Variants in UBAC2 observed in about 807,000 individuals in gnomAD.
UBAC2 encodes the protein UBA domain containing 2.
A neutral mutation model predicts 44.0 loss-of-function variants in UBAC2; 26 were observed. The observed-to-expected ratio is 0.59, with a 90% confidence interval of 0.43 to 0.82. The LOEUF is 0.82. Among genes scored for constraint, UBAC2 ranks in the 40% least tolerant of loss-of-function variants. UBAC2 has a pLI of 0.00. For synonymous variants in UBAC2, 155 were observed against 154.3 expected, an observed-to-expected ratio of 1.00 and a Z score of -0.04; for missense variants, 329 against 419.4, an observed-to-expected ratio of 0.78 and a Z score of 1.88.
intron 6 of UBAC2, among the ~76,000 whole-genome samples, chr13:99,331,787 T>G (rs188370914): frequency 6.6e-6 from 1 of 152,392 alleles, no homozygotes; most frequent in Non-Finnish European, 1.5e-5. Context: ...TTATGCTTTC[T>G]CTAACATTTT....
At position 99,295,296 on chromosome 13, in the gene UBAC2, G is replaced by A. The variant is rs62637588; in HGVS notation, c.390-18801G>A. 5.4e-4 allele frequency: 864 copies of A among 1,614,140 alleles called. 3 individuals are homozygous for A. In the African/African-American group the frequency reaches 0.01, roughly 19 times the overall value. ...AAGTGCAGAGAAATCTGGAACGAAT[G>A]TCTTTGGCTACATTCCAGGAAATTA... On this transcript the variant is annotated intron_variant, in intron 4 of 8. Transcript: ENST00000403766. The surrounding 1 kb of genome is among the most constrained non-coding windows in gnomAD (Gnocchi z 4.1).
At chr13:99,278,523 A>G (rs1335194353) in intron 4 of UBAC2, among the ~76,000 whole-genome samples, 1 of 152,216 alleles carries the variant, frequency 6.6e-6, no homozygotes, top group Non-Finnish European at 1.5e-5. Context: ...TCTGCTTTGA[A>G]TTTGGGCTAA....
intron 4 of UBAC2, among the ~76,000 whole-genome samples, chr13:99,297,685 A>G (rs561418566): frequency 5.9e-5 from 9 of 152,250 alleles, no homozygotes; most frequent in African/African-American, 2.2e-4. Flanking sequence ...CAGAAAAGAG[A>G]CAATGGGAAA....
chr13:99,254,830 T>TTA, intron 4 of UBAC2: 1 of 1,443,542 alleles, frequency 6.9e-7, no homozygotes, highest in Non-Finnish European at 9.6e-7. Context: ...GCCAGAGTAG[T>TTA]TAGTGAAGTG....
chr13:99,323,511 GACC>G (rs1257931561), intron 6 of UBAC2, among the ~76,000 whole-genome samples: 2 of 152,186 alleles, frequency 1.3e-5, no homozygotes, highest in African/African-American at 4.8e-5. Context: ...CTTGTGAAAG[GACC>G]ACATGTAGAA....
chr13:99,358,913 G>T (rs943356520), intron 7 of UBAC2, among the ~76,000 whole-genome samples: 1 of 152,222 alleles, frequency 6.6e-6, no homozygotes, highest in African/African-American at 2.4e-5. Flanking sequence ...TCAGGAGACA[G>T]TGGGTTACAT....
chr13:99,240,655 A>G (rs1594035230), intron 2 of UBAC2, among the ~76,000 whole-genome samples: 1 of 152,152 alleles, frequency 6.6e-6, no homozygotes, highest in South Asian at 2.1e-4. Flanking sequence ...CATTGATCAT[A>G]TTGATGGAGG....
At chr13:99,242,642 C>T (rs1420443913) in intron 2 of UBAC2, among the ~76,000 whole-genome samples, 1 of 126,706 alleles carries the variant, frequency 7.9e-6, no homozygotes, top group Non-Finnish European at 1.7e-5. Context: ...GCTGACCCCC[C>T]CACCTCCCTC....
chr13:99,356,077 TGAAAA>T, intron 7 of UBAC2: 1 of 499,148 alleles, frequency 2.0e-6, no homozygotes, highest in South Asian at 1.4e-5. Flanking sequence ...GTCAGGCCTC[TGAAAA>T]GAAATGTCAT....
Position 99,213,430 on chromosome 13 carries a change from G to A in UBAC2, c.31+12491G>A, listed in dbSNP as rs577263491. On this transcript the variant is annotated intron_variant, in intron 1 of 8. Coordinates refer to ENST00000403766, the MANE Select transcript of UBAC2 (RefSeq NM_001144072.2). ...GCCTGGAGTGCAATGGTGTGATCTC[G>A]GCTTACTGCAACTGCTGCCTCCCGG... Among the ~76,000 whole-genome samples, 11 of 151,662 alleles carry A rather than the reference G, an allele frequency of 7.3e-5. No individual in the cohort carries two copies. The South Asian group carries it at 1.5e-3, about 20-fold the overall frequency.
chr13:99,319,815 G>T, intron 6 of UBAC2, among the ~76,000 whole-genome samples: 1 of 152,218 alleles, frequency 6.6e-6, no homozygotes. Context: ...GGCTCACCCA[G>T]TTAGAACTGT....
chr13:99,275,681 G>A (rs2043872107), intron 4 of UBAC2, among the ~76,000 whole-genome samples: 2 of 152,026 alleles, frequency 1.3e-5, no homozygotes. Context: ...CACAGTTTAT[G>A]TTTCTTCTGA....
At chr13:99,208,588 T>C (rs1042151150) in intron 1 of UBAC2, among the ~76,000 whole-genome samples, 1 of 152,202 alleles carries the variant, frequency 6.6e-6, no homozygotes, top group African/African-American at 2.4e-5. Flanking sequence ...GATTAGACTT[T>C]CCCCCCTTTT....
intron 4 of UBAC2, among the ~76,000 whole-genome samples, chr13:99,247,794 A>G (rs915465949): frequency 6.6e-6 from 1 of 151,926 alleles, no homozygotes; most frequent in Admixed American, 6.6e-5. Flanking sequence ...CCTAACATCT[A>G]ATATTTTTCT....
At chr13:99,261,940 A>G (rs369239487) in intron 4 of UBAC2, among the ~76,000 whole-genome samples, 1 of 152,346 alleles carries the variant, frequency 6.6e-6, no homozygotes, top group East Asian at 1.9e-4. Context: ...CCTTCAGTCA[A>G]ATATGGTCTG....
In UBAC2 at chr13:99,385,415, C is replaced by T. The variant is rs1047144074; in HGVS notation, c.*80C>T. On this transcript the variant is annotated 3_prime_UTR_variant, in exon 9 of 9. Transcript: ENST00000403766. ...CCCACCATCAGATCAGCCCGGGGAC[C>T]GAGCATCTCTGGTGCTGATGTTCTT... 1.0e-5 allele frequency: 12 copies of T among 1,159,590 alleles called. No individual in the cohort carries two copies. The highest frequency in any genetic ancestry group is 9.1e-5 in the Admixed American group (5 of 55,224). The allele number at this position is 1,159,590 out of a possible 1,614,324, so 71.8% of individuals were successfully genotyped here.
At chr13:99,337,105 G>A (rs2044800365) in intron 6 of UBAC2, among the ~76,000 whole-genome samples, 1 of 152,114 alleles carries the variant, frequency 6.6e-6, no homozygotes. Flanking sequence ...TTTGGGTCTG[G>A]CTTCTTTCTC....
chr13:99,291,580 G>A (rs2044089657), intron 4 of UBAC2, among the ~76,000 whole-genome samples: 1 of 152,182 alleles, frequency 6.6e-6, no homozygotes, highest in Admixed American at 6.5e-5. Flanking sequence ...TCAATGGTAG[G>A]AGCCACTGTC....
At chr13:99,223,542 G>GTTTTTTTT (rs145143990) in intron 1 of UBAC2, among the ~76,000 whole-genome samples, 21 of 62,440 alleles carry the variant, frequency 3.4e-4, no homozygotes, top group South Asian at 1.3e-3. Flanking sequence ...CTCTTTTTCT[G>GTTTTTTTT]TTTTTTTTTT....
Sources: allele counts gnomAD v4.1 joint callset (sites outside exome capture counted in the v4.1 genomes callset), GRCh38; gene constraint gnomAD v4.1.1; non-coding constraint Gnocchi (gnomAD v3.1); transcripts MANE v1.5; gene names NCBI Gene and HGNC (gene_info 2026-07-23, HGNC 2026-07-21).